The following PRTFDC1 variants were observed in gnomAD, a reference collection of about 807,000 sequenced individuals.
The protein encoded by PRTFDC1 is phosphoribosyl transferase domain containing 1.
A neutral mutation model predicts 34.6 loss-of-function variants in PRTFDC1; 38 were observed. The observed-to-expected ratio is 1.10, with a 90% CI of 0.85 to 1.44. The LOEUF is 1.44. Among genes scored for constraint, PRTFDC1 ranks in the 40% most tolerant of loss-of-function variants. The pLI is 0.00. For missense variants in PRTFDC1, 270 were observed against 283.0 expected (o/e 0.95, Z 0.33); for synonymous variants, 93 against 98.1 (o/e 0.95, Z 0.31).
intron 3 of PRTFDC1, among the ~76,000 whole-genome samples, chr10:24,895,890 T>C (rs1848353541): frequency 6.6e-6 from 1 of 151,932 alleles, no homozygotes. Context: ...CACATAATTT[T>C]CAGACACCTG....
Position 24,952,591 on chromosome 10 carries a change from C to G in PRTFDC1, c.-16G>C. 6.7e-7 allele frequency: 1 copy of G among 1,489,858 alleles called. No individual in the cohort carries two copies. Among genetic ancestry groups the G allele is most frequent in the Non-Finnish European group, 9.0e-7 (1 of 1,108,130 alleles). 92.3% of individuals were successfully genotyped at this position (1,489,858 alleles called of 1,614,324 possible). On this transcript the variant is annotated 5_prime_UTR_variant, in exon 1 of 9. Coordinates refer to ENST00000320152, the MANE Select transcript of PRTFDC1 (RefSeq NM_020200.7). This position sits in a 1 kb window ranked among gnomAD's most constrained non-coding sequence, Gnocchi z 5.1. ...TCCCGGCCATGTTTCTCCCGGGGAA[C>G]GCGGGAAGGGAAGACGGCGCGGGAA...
intron 4 of PRTFDC1, among the ~76,000 whole-genome samples, chr10:24,858,802 C>T (rs113642883): frequency 3.3e-5 from 5 of 152,074 alleles, no homozygotes; most frequent in African/African-American, 1.2e-4. Context: ...AGACCGTGCT[C>T]GGTAAATGCA....
At chr10:24,853,749 G>A (rs1470767857) in intron 7 of PRTFDC1, among the ~76,000 whole-genome samples, 1 of 152,118 alleles carries the variant, frequency 6.6e-6, no homozygotes, top group East Asian at 1.9e-4. Flanking sequence ...CTATTTAGAA[G>A]GCCAAAACTT....
At chr10:24,873,115 C>A (rs1434806814) in intron 3 of PRTFDC1, among the ~76,000 whole-genome samples, 3 of 152,050 alleles carry the variant, frequency 2.0e-5, no homozygotes, top group Non-Finnish European at 4.4e-5. Context: ...TAGGCGCCAC[C>A]ATGCCTGGCC....
intron 3 of PRTFDC1, among the ~76,000 whole-genome samples, chr10:24,907,393 G>A (rs1848553770): frequency 1.3e-5 from 2 of 152,120 alleles, no homozygotes; most frequent in Non-Finnish European, 1.5e-5. Context: ...TCAGGAGTTC[G>A]AGACCAGCAT....
rs180784200 is a variant in PRTFDC1 at position 24,921,987 on chromosome 10, C to T, written c.339+15197G>A. The stretch of plus-strand genomic sequence containing the variant: ...TACAATGAGCATCATAAACAATTGT[C>T]AAAGGCATTATTTTTCCATAAATAT... On this transcript the variant is annotated intron_variant, in intron 3 of 8. Transcript: ENST00000320152. Among the ~76,000 whole-genome samples the T allele has an allele frequency of 1.2e-3, 184 of 152,216 alleles. 1 individual carries two copies. Among genetic ancestry groups the T allele is most frequent in the African/African-American group, 4.2e-3 (175 of 41,538 alleles).
intron 3 of PRTFDC1, among the ~76,000 whole-genome samples, chr10:24,898,463 CAAA>C (rs36004025): frequency 3.1e-5 from 3 of 98,092 alleles, no homozygotes; most frequent in Admixed American, 1.3e-4. Context: ...GACCCTGTCT[CAAA>C]AAAAAAAAAA....
chr10:24,899,255 C>T (rs1043769841), intron 3 of PRTFDC1, among the ~76,000 whole-genome samples: 7 of 152,108 alleles, frequency 4.6e-5, no homozygotes, highest in African/African-American at 1.4e-4. Flanking sequence ...TTTGTGTCTC[C>T]CACAACATCA....
intron 3 of PRTFDC1, among the ~76,000 whole-genome samples, chr10:24,882,900 G>A (rs930128284): frequency 6.6e-6 from 1 of 151,224 alleles, no homozygotes; most frequent in Non-Finnish European, 1.5e-5. Flanking sequence ...ATAAAAATAT[G>A]AATTCTTGAT....
chr10:24,878,270 TA>T (rs753270351), intron 3 of PRTFDC1, among the ~76,000 whole-genome samples: 41 of 142,176 alleles, frequency 2.9e-4, no homozygotes, highest in Non-Finnish European at 2.5e-4. Context: ...AAGACTGTAT[TA>T]AAAAAAAAAA....
At chr10:24,868,266 C>T (rs1309953662) in intron 4 of PRTFDC1, 1 of 152,090 alleles carries the variant, frequency 6.6e-6, no homozygotes, top group Middle Eastern at 3.2e-3. Context: ...TAAAAGCTCA[C>T]CCTCCCCTCT....
At chr10:24,927,946 T>C (rs758142867) in intron 3 of PRTFDC1, among the ~76,000 whole-genome samples, 1 of 152,160 alleles carries the variant, frequency 6.6e-6, no homozygotes, top group Non-Finnish European at 1.5e-5. Flanking sequence ...TTTCAGCTAT[T>C]TGAACACTTG....
chr10:24,855,244 T>A, intron 7 of PRTFDC1, 74 bp downstream of exon 7: 1 of 1,458,012 alleles, frequency 6.9e-7, no homozygotes, highest in Non-Finnish European at 9.5e-7. Context: ...AAACCAAAGA[T>A]TCTTAAACAT....
intron 1 of PRTFDC1, among the ~76,000 whole-genome samples, chr10:24,949,735 ATTTATTTT>A (rs1378188498): frequency 1.6e-4 from 23 of 140,080 alleles, no homozygotes; most frequent in East Asian, 2.1e-4. Flanking sequence ...TTATTTATTT[ATTTATTTT>A]TTTTTTTTTT....
intron 3 of PRTFDC1, among the ~76,000 whole-genome samples, chr10:24,874,095 G>A (rs1847922352): frequency 1.3e-5 from 2 of 151,292 alleles, no homozygotes. Context: ...ACTTCTGCTT[G>A]GTAAAGCATT....
chr10:24,867,303 C>T (rs1195242551), intron 4 of PRTFDC1, among the ~76,000 whole-genome samples: 1 of 152,198 alleles, frequency 6.6e-6, no homozygotes. Context: ...ACGATTCCTT[C>T]TCTTCCACCC....
At chr10:24,885,536 G>C (rs1344778842) in intron 3 of PRTFDC1, among the ~76,000 whole-genome samples, 1 of 152,160 alleles carries the variant, frequency 6.6e-6, no homozygotes, top group African/African-American at 2.4e-5. Context: ...CTCCTGAATA[G>C]CTGGGATTAC....
intron 3 of PRTFDC1, among the ~76,000 whole-genome samples, chr10:24,917,361 G>A (rs1195873766): frequency 6.6e-6 from 1 of 152,128 alleles, no homozygotes; most frequent in African/African-American, 2.4e-5. Flanking sequence ...GAAAAAGCAA[G>A]TGTGTCTGTT....
chr10:24,899,781 A>G (rs1450241936), intron 3 of PRTFDC1, among the ~76,000 whole-genome samples: 1 of 152,242 alleles, frequency 6.6e-6, no homozygotes, highest in Non-Finnish European at 1.5e-5. Flanking sequence ...CATTTTAAAC[A>G]TGTTCCCACA....
Sources: allele counts gnomAD v4.1 joint callset (sites outside exome capture counted in the v4.1 genomes callset), GRCh38; gene constraint gnomAD v4.1.1; non-coding constraint Gnocchi (gnomAD v3.1); transcripts MANE v1.5; gene names NCBI Gene and HGNC (gene_info 2026-07-23, HGNC 2026-07-21).